Variants in TRPM3 observed in about 807,000 individuals in gnomAD.
The protein encoded by TRPM3 is long transient receptor potential channel 3.
Under a neutral mutation model 181.2 loss-of-function variants are expected in TRPM3, and 77 were observed. The observed-to-expected ratio is 0.42, with a 90% CI of 0.35 to 0.51. The LOEUF is 0.51. Among genes scored for constraint, TRPM3 ranks in the 20% least tolerant of loss-of-function variants. The pLI is 0.01. For synonymous variants in TRPM3, 745 were observed against 796.4 expected (o/e 0.94, Z 1.09); for missense variants, 1,759 against 2,196.7 (o/e 0.80, Z 3.98).
chr9:70,876,173 A>G (rs1175542365), intron 1 of TRPM3, among the ~76,000 whole-genome samples: 1 of 151,742 alleles, frequency 6.6e-6, no homozygotes, highest in Non-Finnish European at 1.5e-5. Flanking sequence ...CTAACTACCA[A>G]AGCCTATATC....
In TRPM3 at chr9:71,001,068, A is replaced by C. The variant is rs373310696; in HGVS notation, c.177+120110T>G. Among the ~76,000 whole-genome samples the C allele has an allele frequency of 2.1e-4, 32 of 152,330 alleles. No homozygotes were observed. The South Asian group carries it at 6.6e-3, about 32-fold the overall frequency. On this transcript the variant is annotated intron_variant, in intron 1 of 25. Coordinates refer to ENST00000677713, the MANE Select transcript of TRPM3 (RefSeq NM_001366145.2). ...ACTAACGAATTGTCTTCATTCTCATACAGGAGAGATTGGTGTAGCACTTGT... is the reference window on the plus strand; with the variant it reads ...ACTAACGAATTGTCTTCATTCTCATCCAGGAGAGATTGGTGTAGCACTTGT...
chr9:70,589,812 T>C lies in TRPM3; in HGVS notation c.3223+1219A>G, dbSNP rs114387159. On this transcript the variant is annotated intron_variant, in intron 22 of 25. Transcript: ENST00000677713. ...AAGTGTGTTTGTTCAAAATCCATCGTGGAAGAATAAATGACGTACCGGTGT... is the reference window on the plus strand; with the variant it reads ...AAGTGTGTTTGTTCAAAATCCATCGCGGAAGAATAAATGACGTACCGGTGT... 5.5e-3 allele frequency among the ~76,000 whole-genome samples: 842 copies of C among 152,318 alleles called. 10 individuals carry two copies. The highest frequency in any genetic ancestry group is 0.019 in the African/African-American group (800 of 41,560).
In TRPM3 at chr9:70,620,367, TG is replaced by T; in HGVS notation, c.1840-3del. On this transcript the variant is annotated splice_polypyrimidine_tract_variant and splice_region_variant and intron_variant, in intron 15 of 25. Transcript: ENST00000677713. ...TCCTCGCCTCAAGGGAATATCATCCTGTAATTACAGGGAAACCACACAGACT... is the reference window on the plus strand; with the variant it reads ...TCCTCGCCTCAAGGGAATATCATCCTTAATTACAGGGAAACCACACAGACT... The T allele has an allele frequency of 1.2e-6, 2 of 1,603,748 alleles. No individual in the cohort carries two copies. The highest frequency in any genetic ancestry group is 1.7e-6 in the Non-Finnish European group (2 of 1,172,406).
chr9:71,422,506 A>G (rs1461118883), intron 1 of TRPM3, among the ~76,000 whole-genome samples: 2 of 152,060 alleles, frequency 1.3e-5, no homozygotes, highest in African/African-American at 4.8e-5. Flanking sequence ...TAATTTCCCA[A>G]GGAGTCTCAA....
chr9:71,271,718 T>C (rs915226561), intron 1 of TRPM3, among the ~76,000 whole-genome samples: 3 of 151,944 alleles, frequency 2.0e-5, no homozygotes, highest in Non-Finnish European at 4.4e-5. Flanking sequence ...CGTACCTCCA[T>C]GGATTTCTCA....
At position 70,537,322 on chromosome 9, in the gene TRPM3, C is replaced by T. The variant is rs767318435; in HGVS notation, c.3791G>A (p.Arg1264Gln). ...MKASLQTVDIRLAQLEDLIGR... is the reference protein window; with the variant it reads ...MKASLQTVDIQLAQLEDLIGR... Reference sequence around the variant, plus strand: ...GATAAGGTCTTCCAGCTGCGCCAGCCGGATGTCCACGGTCTGGAGTGAAGC... The same window carrying T: ...GATAAGGTCTTCCAGCTGCGCCAGCTGGATGTCCACGGTCTGGAGTGAAGC... The change falls in exon 26 of 26, where the codon CGG becomes CAG. Residue 1264 changes from arginine to glutamine, a missense_variant. Coordinates refer to ENST00000677713, the MANE Select transcript of TRPM3 (RefSeq NM_001366145.2). 16 of 1,521,210 alleles carry T rather than the reference C, an allele frequency of 1.1e-5. No individual in the cohort carries two copies. Among genetic ancestry groups the T allele is most frequent in the South Asian group, 7.8e-5 (6 of 76,824 alleles). The allele number at this position is 1,521,210 out of a possible 1,614,324, so 94.2% of individuals were successfully genotyped here.
At chr9:70,872,666 T>C (rs2095808288) in intron 1 of TRPM3, among the ~76,000 whole-genome samples, 1 of 151,976 alleles carries the variant, frequency 6.6e-6, no homozygotes, top group Non-Finnish European at 1.5e-5. Context: ...TATAAGTTCC[T>C]GAGGGCAGTG....
chr9:71,181,050 T>A (rs2077373548), intron 1 of TRPM3, among the ~76,000 whole-genome samples: 1 of 152,114 alleles, frequency 6.6e-6, no homozygotes, highest in Non-Finnish European at 1.5e-5. Flanking sequence ...CTGCTCTAAT[T>A]TGAGGACCCA....
chr9:71,129,103 T>C (rs1204024638), intron 1 of TRPM3, among the ~76,000 whole-genome samples: 4 of 152,232 alleles, frequency 2.6e-5, no homozygotes, highest in Non-Finnish European at 4.4e-5. Flanking sequence ...AAACCGTACT[T>C]GCTATCTATT....
chr9:71,096,590 A>ACACACTCTCTCTCT (rs1452142664), intron 1 of TRPM3, among the ~76,000 whole-genome samples: 37 of 90,042 alleles, frequency 4.1e-4, no homozygotes, highest in African/African-American at 5.7e-4. Context: ...ACACACACAC[A>ACACACTCTCTCTCT]CTCTCTCTCT....
intron 9 of TRPM3, among the ~76,000 whole-genome samples, chr9:70,662,303 C>T (rs1416551660): frequency 6.6e-6 from 1 of 152,138 alleles, no homozygotes. Flanking sequence ...AATCTAAGAT[C>T]TGAAATCATA....
chr9:71,275,831 G>A (rs1275204932), intron 1 of TRPM3, among the ~76,000 whole-genome samples: 1 of 143,386 alleles, frequency 7.0e-6, no homozygotes, highest in Non-Finnish European at 1.5e-5. Context: ...GTAGATCAAT[G>A]GAGAAAGAAG....
At position 70,619,406 on chromosome 9, in the gene TRPM3, C is replaced by CTTT. The variant is rs1170887633; in HGVS notation, c.2130-314_2130-312dup. ...GAGTACAGTATGTCATCGTCGTCTT[C>CTTT]TTTTTTTTTTTTTTTTTTTTTTTTT... On this transcript the variant is annotated intron_variant, in intron 16 of 25. Transcript: ENST00000677713. 8.7e-3 allele frequency among the ~76,000 whole-genome samples: 704 copies of CTTT among 81,370 alleles called. 16 individuals are homozygous for CTTT. Among genetic ancestry groups the CTTT allele is most frequent in the East Asian group, 0.013 (35 of 2,636 alleles). The allele number at this position is 81,370 out of a possible 152,430, so 53.4% of individuals were successfully genotyped here. A position where few individuals can be genotyped will look rare whatever the true frequency, so the allele number is the denominator to read the frequency against.
intron 1 of TRPM3, among the ~76,000 whole-genome samples, chr9:70,905,254 T>C (rs1027776322): frequency 4.6e-5 from 7 of 152,240 alleles, no homozygotes; most frequent in African/African-American, 1.7e-4. Flanking sequence ...TTGCGGTACA[T>C]TGTAATGTTC....
chr9:71,080,171 A>AAATAAAT (rs1554820949), intron 1 of TRPM3, among the ~76,000 whole-genome samples: 1 of 133,196 alleles, frequency 7.5e-6, no homozygotes, highest in Admixed American at 7.6e-5. Flanking sequence ...ACTCCATCTC[A>AAATAAAT]AAATAAATAA....
chr9:70,577,119 T>C (rs1352675970), intron 22 of TRPM3, among the ~76,000 whole-genome samples: 2 of 152,222 alleles, frequency 1.3e-5, no homozygotes, highest in African/African-American at 4.8e-5. Context: ...GTATGCTGTT[T>C]ATTTGTTGAC....
At chr9:70,643,217 T>C (rs570228600) in intron 9 of TRPM3, among the ~76,000 whole-genome samples, 1 of 152,198 alleles carries the variant, frequency 6.6e-6, no homozygotes, top group Non-Finnish European at 1.5e-5. Context: ...GTCATCAATT[T>C]GGAGAGGAAA....
rs1477196090 is a variant in TRPM3, at chr9:70,553,258, AG to A, written c.3275del (p.Pro1092LeufsTer19). 1 of 1,614,134 alleles carries A rather than the reference AG, an allele frequency of 6.2e-7. No individual in the cohort carries two copies. Among genetic ancestry groups the A allele is most frequent in the South Asian group, 1.1e-5 (1 of 91,076 alleles). On this transcript the variant is annotated frameshift_variant, in exon 23 of 26. Coordinates refer to ENST00000677713, the MANE Select transcript of TRPM3 (RefSeq NM_001366145.2). LOFTEE classifies it high-confidence loss of function. ...TREDGKIIQL[P>X]PCKTGAWIVP... ...CGATCCAAGCTCCTGTCTTGCAGGGAGGCAGCTGGATTATTTTACCATCCTC... is the reference window on the plus strand; with the variant it reads ...CGATCCAAGCTCCTGTCTTGCAGGGAGCAGCTGGATTATTTTACCATCCTC...
chr9:71,233,938 T>A (rs181516202), intron 1 of TRPM3, among the ~76,000 whole-genome samples: 2 of 152,234 alleles, frequency 1.3e-5, no homozygotes, highest in African/African-American at 4.8e-5. Flanking sequence ...TTAATTATTA[T>A]ATTACTTACC....
Sources: allele counts gnomAD v4.1 joint callset (sites outside exome capture counted in the v4.1 genomes callset), GRCh38; gene constraint gnomAD v4.1.1; transcripts MANE v1.5; gene names NCBI Gene and HGNC (gene_info 2026-07-23, HGNC 2026-07-21).